PLCL1: variants seen among roughly 807,000 people sequenced by gnomAD.
PLCL1 encodes the protein phospholipase C like 1 (inactive).
Under a neutral mutation model 84.4 loss-of-function variants are expected in PLCL1, and 41 were observed. That is an observed-to-expected ratio of 0.49 (90% CI 0.38 to 0.63). The LOEUF is 0.63. Ranked by LOEUF, PLCL1 falls within the 30% of genes least tolerant of loss-of-function variation. The probability of loss-of-function intolerance (pLI) is 0.00; values close to 1 mark genes in which losing one functional copy is unlikely to be tolerated. For missense variants in PLCL1, 1,206 were observed against 1,367.8 expected (o/e 0.88, Z 1.87); for synonymous variants, 490 against 488.3 (o/e 1.00, Z -0.05).
intron 1 of PLCL1, among the ~76,000 whole-genome samples, chr2:197,922,400 C>G (rs1219550334): frequency 9.5e-6 from 1 of 105,060 alleles, no homozygotes; most frequent in Non-Finnish European, 2.0e-5. Context: ...GAAAAGTCTC[C>G]CATGTCTACT....
chr2:198,137,091 T>A (rs974685570), intron 5 of PLCL1, among the ~76,000 whole-genome samples: 1 of 152,154 alleles, frequency 6.6e-6, no homozygotes, highest in Non-Finnish European at 1.5e-5. Context: ...ATCAAATAGA[T>A]CTATTTGATG....
At chr2:197,988,997 C>T (rs1482110126) in intron 1 of PLCL1, among the ~76,000 whole-genome samples, 1 of 152,050 alleles carries the variant, frequency 6.6e-6, no homozygotes, top group Non-Finnish European at 1.5e-5. Context: ...ATAGTTCAAA[C>T]CCAAGGGGAT....
chr2:198,012,887 T>C (rs1350239746), intron 1 of PLCL1, among the ~76,000 whole-genome samples: 2 of 152,006 alleles, frequency 1.3e-5, no homozygotes, highest in Admixed American at 6.6e-5. Context: ...GTGGTTATCA[T>C]TGCAATGAGA....
intron 5 of PLCL1, among the ~76,000 whole-genome samples, chr2:198,143,324 G>A (rs1161455962): frequency 6.6e-6 from 1 of 152,160 alleles, no homozygotes; most frequent in Non-Finnish European, 1.5e-5. Context: ...TGATGTGACA[G>A]GAGTGGGAGC....
At chr2:197,880,057 G>T (rs1346819615) in intron 1 of PLCL1, among the ~76,000 whole-genome samples, 1 of 152,158 alleles carries the variant, frequency 6.6e-6, no homozygotes, top group Admixed American at 6.6e-5. Context: ...CAGGGGATTT[G>T]AATGTGGGAA....
chr2:197,943,514 A>G (rs1689206229), intron 1 of PLCL1, among the ~76,000 whole-genome samples: 1 of 151,836 alleles, frequency 6.6e-6, no homozygotes, highest in Admixed American at 6.6e-5. Context: ...TGTTAAATCA[A>G]TTTACTTTCT....
intron 3 of PLCL1, among the ~76,000 whole-genome samples, chr2:198,100,081 G>A (rs537120291): frequency 1.3e-5 from 2 of 152,122 alleles, no homozygotes; most frequent in Non-Finnish European, 2.9e-5. Context: ...GAAGTGGTCA[G>A]TAATAAATAA....
At chr2:197,968,737 T>C (rs1689798127) in intron 1 of PLCL1, among the ~76,000 whole-genome samples, 1 of 152,212 alleles carries the variant, frequency 6.6e-6, no homozygotes, top group African/African-American at 2.4e-5. Flanking sequence ...TTCTGGAGAC[T>C]ATCTTTGGTT....
Position 197,977,766 on chromosome 2 carries a change from A to C in PLCL1, c.241-105992A>C, listed in dbSNP as rs570422397. Among the ~76,000 whole-genome samples the C allele has an allele frequency of 3.9e-5, 6 of 152,304 alleles. No homozygotes were observed. The South Asian group carries it at 1.2e-3, about 32-fold the overall frequency. On this transcript the variant is annotated intron_variant, in intron 1 of 5. Transcript: ENST00000428675. ...TGGCTTATTGTAGCATTTGGGATCC[A>C]TTAAGACCTGGCCCTGGACTACATT...
intron 1 of PLCL1, among the ~76,000 whole-genome samples, chr2:198,029,601 G>A (rs1691357653): frequency 6.6e-6 from 1 of 152,122 alleles, no homozygotes; most frequent in Non-Finnish European, 1.5e-5. Context: ...CACCAAATGG[G>A]AGACTTAAGA....
intron 1 of PLCL1, among the ~76,000 whole-genome samples, chr2:198,080,540 A>G (rs1692684902): frequency 6.6e-6 from 1 of 152,040 alleles, no homozygotes; most frequent in African/African-American, 2.4e-5. Flanking sequence ...CCTCCTCCCA[A>G]CCTGTCAGAG....
Position 197,975,341 on chromosome 2 carries a change from C to G in PLCL1, c.241-108417C>G, listed in dbSNP as rs549590485. On this transcript the variant is annotated intron_variant, in intron 1 of 5. Coordinates refer to ENST00000428675, the MANE Select transcript of PLCL1 (RefSeq NM_006226.4). ...TTAAGGTGACATGGCTAGTAAATTA[C>G]AAAATCAGGCCTAGGGTCTGCTTGC... is the stretch of plus-strand genomic sequence containing the variant. Among the ~76,000 whole-genome samples the G allele has an allele frequency of 2.6e-5, 4 of 152,106 alleles. No individual in the cohort carries two copies. The South Asian group carries it at 8.3e-4, about 32-fold the overall frequency.
chr2:197,824,713 CAAA>C (rs1163183876), intron 1 of PLCL1, among the ~76,000 whole-genome samples: 1 of 55,532 alleles, frequency 1.8e-5, no homozygotes. Context: ...GACCCTGTCT[CAAA>C]AAAAAAAAAA....
intron 4 of PLCL1, among the ~76,000 whole-genome samples, chr2:198,102,397 T>C (rs1366121666): frequency 6.6e-6 from 1 of 152,088 alleles, no homozygotes; most frequent in Non-Finnish European, 1.5e-5. Context: ...GTGGTAGAGC[T>C]GGGCTCCACA....
At chr2:197,874,369 T>C (rs1194744608) in intron 1 of PLCL1, among the ~76,000 whole-genome samples, 1 of 152,048 alleles carries the variant, frequency 6.6e-6, no homozygotes, top group Non-Finnish European at 1.5e-5. Context: ...AATATGTAGA[T>C]AAACAAAAAG....
In PLCL1 at chr2:197,988,758, C is replaced by T. The variant is rs569192318; in HGVS notation, c.241-95000C>T. Among the ~76,000 whole-genome samples, 18 of 152,286 alleles carry T rather than the reference C, an allele frequency of 1.2e-4. No individual in the cohort carries two copies. In the East Asian group the frequency reaches 2.1e-3, roughly 18 times the overall value. On this transcript the variant is annotated intron_variant, in intron 1 of 5. Transcript: ENST00000428675. ...ATAGCCAGTAGTGAGATTGCTGGAT[C>T]GGATGGTAGATCAATTTTTAGTTCT... is the stretch of plus-strand genomic sequence containing the variant.
intron 1 of PLCL1, among the ~76,000 whole-genome samples, chr2:197,860,390 C>G (rs1040837900): frequency 6.6e-6 from 1 of 152,046 alleles, no homozygotes; most frequent in African/African-American, 2.4e-5. Flanking sequence ...TGGGTATATA[C>G]CTAGTAATGG....
intron 3 of PLCL1, among the ~76,000 whole-genome samples, chr2:198,097,664 C>A (rs1053387738): frequency 6.6e-6 from 1 of 152,078 alleles, no homozygotes; most frequent in African/African-American, 2.4e-5. Flanking sequence ...CCAAAAGGGC[C>A]CCCTGAAGTA....
chr2:198,073,477 T>G (rs1158458874), intron 1 of PLCL1, among the ~76,000 whole-genome samples: 1 of 152,198 alleles, frequency 6.6e-6, no homozygotes, highest in Non-Finnish European at 1.5e-5. Flanking sequence ...ACTTAAAACC[T>G]TTAATCAGAT....
Sources: allele counts gnomAD v4.1 joint callset (sites outside exome capture counted in the v4.1 genomes callset), GRCh38; gene constraint gnomAD v4.1.1; transcripts MANE v1.5; gene names NCBI Gene and HGNC (gene_info 2026-07-23, HGNC 2026-07-21).